PGBD5: variants seen among roughly 807,000 people sequenced by gnomAD.
The protein encoded by PGBD5 is piggyBac transposable element derived 5.
Under a neutral mutation model 47.9 loss-of-function variants are expected in PGBD5, and 14 were observed. The ratio of observed to expected loss-of-function variants is 0.29; its 90% CI spans 0.19 to 0.46. PGBD5 has a LOEUF of 0.46. PGBD5 is among the 20% of genes least tolerant of loss of function. The pLI is 1.00. For missense variants in PGBD5, 635 were observed against 716.0 expected (o/e 0.89, Z 1.29); for synonymous variants, 316 against 306.3 (o/e 1.03, Z -0.33).
At chr1:230,348,573 C>T (rs1189724878) in intron 3 of PGBD5, among the ~76,000 whole-genome samples, 2 of 152,212 alleles carry the variant, frequency 1.3e-5, no homozygotes, top group Admixed American at 6.5e-5. Flanking sequence ...TATTATTCTG[C>T]CCCAGGGCTG....
chr1:230,349,036 C>A (rs542421673), intron 3 of PGBD5, among the ~76,000 whole-genome samples: 1 of 152,238 alleles, frequency 6.6e-6, no homozygotes, highest in African/African-American at 2.4e-5. Context: ...AAGGAAACTT[C>A]AAGGTACCAA....
chr1:230,403,576 G>A (rs780123076), intron 1 of PGBD5, among the ~76,000 whole-genome samples: 23 of 152,310 alleles, frequency 1.5e-4, no homozygotes, highest in Non-Finnish European at 2.6e-4. Context: ...AGAGACCTGC[G>A]GGCCCTGGAG....
intron 1 of PGBD5, among the ~76,000 whole-genome samples, chr1:230,399,777 C>T (rs1264033555): frequency 2.0e-4 from 31 of 152,328 alleles, no homozygotes; most frequent in Non-Finnish European, 5.9e-5. Context: ...ATTTCTCCTG[C>T]CCACGTTGCC....
intron 1 of PGBD5, among the ~76,000 whole-genome samples, chr1:230,373,929 C>G (rs1237248478): frequency 6.6e-6 from 1 of 152,156 alleles, no homozygotes; most frequent in Admixed American, 6.5e-5. Context: ...AACTCCCAGA[C>G]TCAAGCAATC....
In PGBD5 at chr1:230,319,791, A is replaced by AGATGTCCCTAGTAT. The variant is rs1380372161; in HGVS notation, c.*3620_*3633dup. On this transcript the variant is annotated 3_prime_UTR_variant, in exon 7 of 7. Coordinates refer to ENST00000391860, the MANE Select transcript of PGBD5 (RefSeq NM_001258311.2). Reference sequence around the variant, plus strand: ...CCATATGACTTGCCTGACTTTTGAAAGATGTCCCTAGTATAATGTCCCATG... The same window carrying AGATGTCCCTAGTAT: ...CCATATGACTTGCCTGACTTTTGAAAGATGTCCCTAGTATGATGTCCCTAGTATAATGTCCCATG... 5.7e-4 allele frequency: 86 copies of AGATGTCCCTAGTAT among 151,464 alleles called. No individual in the cohort carries two copies. Among genetic ancestry groups the AGATGTCCCTAGTAT allele is most frequent in the African/African-American group, 2.0e-3 (82 of 41,254 alleles). 9.4% of individuals were successfully genotyped at this position (151,464 alleles called of 1,614,324 possible).
intron 1 of PGBD5, among the ~76,000 whole-genome samples, chr1:230,368,755 A>G (rs1667882265): frequency 1.3e-5 from 2 of 152,130 alleles, no homozygotes; most frequent in Admixed American, 6.5e-5. Flanking sequence ...GGCAGCCTGA[A>G]GTACAGGCAG....
At chr1:230,334,801 C>G (rs932942172) in intron 4 of PGBD5, among the ~76,000 whole-genome samples, 4 of 152,192 alleles carry the variant, frequency 2.6e-5, no homozygotes, top group Non-Finnish European at 4.4e-5. Context: ...TATCTCTTAC[C>G]TAACCTTCTC....
intron 3 of PGBD5, among the ~76,000 whole-genome samples, chr1:230,340,519 A>G (rs1667393820): frequency 6.6e-6 from 1 of 152,172 alleles, no homozygotes; most frequent in Non-Finnish European, 1.5e-5. Flanking sequence ...CTGTATAAAA[A>G]GTATTTATCA....
intron 1 of PGBD5, among the ~76,000 whole-genome samples, chr1:230,406,504 G>A (rs1657300373): frequency 6.6e-6 from 1 of 151,986 alleles, no homozygotes. Context: ...AATATTATGA[G>A]TATGTTGTCC....
At chr1:230,404,627 A>ATATAT (rs1453429430) in intron 1 of PGBD5, among the ~76,000 whole-genome samples, 69 of 130,384 alleles carry the variant, frequency 5.3e-4, no homozygotes, top group East Asian at 9.9e-4. Context: ...AAAAAAAAAA[A>ATATAT]AAATATATAT....
intron 5 of PGBD5, among the ~76,000 whole-genome samples, chr1:230,327,142 T>A (rs1667133657): frequency 1.3e-5 from 2 of 151,370 alleles, no homozygotes; most frequent in Admixed American, 1.3e-4. Flanking sequence ...GTGGCTGGAG[T>A]TGACCTACTG....
At chr1:230,398,117 G>A (rs760411874) in intron 1 of PGBD5, among the ~76,000 whole-genome samples, 16 of 152,274 alleles carry the variant, frequency 1.1e-4, no homozygotes, top group Non-Finnish European at 1.9e-4. Context: ...AGCTGAGACC[G>A]CTCCATCTGA....
chr1:230,374,852 C>T (rs781328683), intron 1 of PGBD5, among the ~76,000 whole-genome samples: 2 of 152,192 alleles, frequency 1.3e-5, no homozygotes, highest in Non-Finnish European at 2.9e-5. Flanking sequence ...AACTTATACT[C>T]CTTAAACAAC....
chr1:230,324,867 T>C (rs1245668252), intron 6 of PGBD5, among the ~76,000 whole-genome samples: 1 of 152,124 alleles, frequency 6.6e-6, no homozygotes, highest in Non-Finnish European at 1.5e-5. Flanking sequence ...TTTGAGAAAA[T>C]TAAGGCACCC....
chr1:230,399,642 C>T (rs752213800), intron 1 of PGBD5, among the ~76,000 whole-genome samples: 26 of 152,224 alleles, frequency 1.7e-4, no homozygotes, highest in African/African-American at 4.6e-4. Context: ...CTGCTCCCAC[C>T]GTCACCAGTC....
chr1:230,315,981 TG>T lies in PGBD5; in HGVS notation c.*7443del, dbSNP rs1436390848. The T allele has an allele frequency of 1.0e-4, 15 of 144,454 alleles. 4 individuals are homozygous for T. Among genetic ancestry groups the T allele is most frequent in the African/African-American group, 3.8e-4 (15 of 39,512 alleles). The allele number at this position is 144,454 out of a possible 1,614,324, so 8.9% of individuals were successfully genotyped here. Reference sequence around the variant, plus strand: ...AAGTATATGTGTACACATATATGTATGTGTATACATACATAAGTATATGTGT... The same window carrying T: ...AAGTATATGTGTACACATATATGTATTGTATACATACATAAGTATATGTGT... On this transcript the variant is annotated 3_prime_UTR_variant, in exon 7 of 7. Transcript: ENST00000391860.
chr1:230,379,232 C>A (rs1213589874), intron 1 of PGBD5, among the ~76,000 whole-genome samples: 1 of 152,174 alleles, frequency 6.6e-6, no homozygotes, highest in South Asian at 2.1e-4. Context: ...GTGACCAGCA[C>A]CCCATTCACT....
At chr1:230,424,865 G>C (rs1657737249) in intron 1 of PGBD5, among the ~76,000 whole-genome samples, 1 of 152,202 alleles carries the variant, frequency 6.6e-6, no homozygotes, top group Non-Finnish European at 1.5e-5. Context: ...AGAGGAGTGG[G>C]GCAGCCGCAG....
rs1192271079 is a variant in PGBD5, at chr1:230,357,969, TAC to T, written c.332-650_332-649del. ...ATACACATGCATATATACACATACA[TAC>T]ACACACATACATACATACATACACA... On this transcript the variant is annotated intron_variant, in intron 1 of 6. Transcript: ENST00000391860. This position sits in a 1 kb window ranked among gnomAD's most constrained non-coding sequence, Gnocchi z 5.7. 6.6e-6 allele frequency among the ~76,000 whole-genome samples: 1 copy of T among 151,762 alleles called. No homozygotes were observed. Among genetic ancestry groups the T allele is most frequent in the Admixed American group, 6.6e-5 (1 of 15,238 alleles).
Sources: gnomAD v4.1 joint callset for allele counts (sites outside exome capture counted in the v4.1 genomes callset) on GRCh38, gnomAD v4.1.1 for gene constraint, Gnocchi (gnomAD v3.1) non-coding constraint, MANE v1.5 for transcripts, NCBI Gene and HGNC (gene_info 2026-07-23, HGNC 2026-07-21) for gene names.